Variants in PHF24 observed in about 807,000 individuals in gnomAD.
PHF24 encodes the protein Galpha inhibitory interacting protein.
Under a neutral mutation model 42.6 loss-of-function variants are expected in PHF24, and 25 were observed. The ratio of observed to expected loss-of-function variants is 0.59; its 90% CI spans 0.43 to 0.82. The LOEUF (loss-of-function observed/expected upper bound fraction) is 0.82, where lower values mean the gene tolerates loss of function less well. Ranked by LOEUF, PHF24 falls within the 40% of genes least tolerant of loss-of-function variation. The probability of loss-of-function intolerance (pLI) is 0.00; values close to 1 mark genes in which losing one functional copy is unlikely to be tolerated. For missense variants in PHF24, 470 were observed against 538.1 expected (o/e 0.87, Z 1.25); for synonymous variants, 185 against 204.8 (o/e 0.90, Z 0.83).
At chr9:34,887,828 A>AC in the PHF24 span, among the ~76,000 whole-genome samples, 1 of 151,396 alleles carries the variant, frequency 6.6e-6, no homozygotes, top group African/African-American at 2.4e-5. Flanking sequence ...GAGAGAGCAG[A>AC]TTTTTTTTTC....
chr9:34,701,528 A>G, the PHF24 span, among the ~76,000 whole-genome samples: 3 of 151,926 alleles, frequency 2.0e-5, no homozygotes, highest in African/African-American at 7.2e-5. The surrounding 1 kb of genome is among the most constrained non-coding windows in gnomAD (Gnocchi z 5.8). Flanking sequence ...TGCGGCTGTG[A>G]CCCTGCGAGC....
the PHF24 span, chr9:34,729,487 G>C: frequency 6.7e-7 from 1 of 1,500,298 alleles, no homozygotes; most frequent in Non-Finnish European, 8.9e-7. Context: ...CAGGGTTCTG[G>C]TGCCTAATGA....
At chr9:34,938,629 A>T in the PHF24 span, among the ~76,000 whole-genome samples, 13 of 152,162 alleles carry the variant, frequency 8.5e-5, no homozygotes, top group African/African-American at 3.1e-4. Flanking sequence ...AAAATGGGTT[A>T]AAAAAGCCAT....
At chr9:34,775,861 C>CTGAATATCCATTCATTGT in the PHF24 span, among the ~76,000 whole-genome samples, 1 of 152,140 alleles carries the variant, frequency 6.6e-6, no homozygotes, top group Non-Finnish European at 1.5e-5. Flanking sequence ...ATGCCCAGCA[C>CTGAATATCCATTCATTGT]TGAATATCCA....
the PHF24 span, among the ~76,000 whole-genome samples, chr9:34,787,594 G>A: frequency 3.9e-4 from 60 of 152,298 alleles, no homozygotes; most frequent in African/African-American, 1.3e-3. Flanking sequence ...GAAGGTAAGG[G>A]CAGCTATTTC....
the PHF24 span, among the ~76,000 whole-genome samples, chr9:34,937,736 C>A: frequency 2.0e-5 from 3 of 152,166 alleles, no homozygotes; most frequent in South Asian, 2.1e-4. Flanking sequence ...CTACTGGAGG[C>A]CAACCAAGGG....
chr9:34,969,356 C>CT (rs1183869082), intron 1 of PHF24, among the ~76,000 whole-genome samples: 1 of 152,238 alleles, frequency 6.6e-6, no homozygotes, highest in African/African-American at 2.4e-5. Context: ...AAACTGCCCT[C>CT]TTTCGCCAGG....
the PHF24 span, among the ~76,000 whole-genome samples, chr9:34,937,041 C>A: frequency 1.1e-4 from 14 of 128,516 alleles, no homozygotes; most frequent in African/African-American, 4.0e-4. Context: ...TCAGCCCCCC[C>A]CCCGGGCCAG....
At chr9:34,802,401 T>C in the PHF24 span, among the ~76,000 whole-genome samples, 1 of 70,124 alleles carries the variant, frequency 1.4e-5, no homozygotes, top group Non-Finnish European at 3.6e-5. Context: ...TTCCCTTAGA[T>C]TTTTTTTTCC....
chr9:34,727,890 A>G, the PHF24 span: 1 of 791,720 alleles, frequency 1.3e-6, no homozygotes, highest in East Asian at 2.8e-5. Flanking sequence ...CCTCTCACCC[A>G]GTGTCCCTGC....
the PHF24 span, among the ~76,000 whole-genome samples, chr9:34,880,546 G>A: frequency 6.6e-6 from 1 of 151,994 alleles, no homozygotes; most frequent in Non-Finnish European, 1.5e-5. Context: ...AAAAAAGCAG[G>A]GGTTGCAGTC....
the PHF24 span, among the ~76,000 whole-genome samples, chr9:34,820,339 A>T: frequency 6.6e-6 from 1 of 152,066 alleles, no homozygotes; most frequent in Non-Finnish European, 1.5e-5. Flanking sequence ...CACCCAGGTA[A>T]TAAACGTAGT....
At chr9:34,949,566 A>G in the PHF24 span, among the ~76,000 whole-genome samples, 5 of 152,216 alleles carry the variant, frequency 3.3e-5, no homozygotes, top group Non-Finnish European at 5.9e-5. Context: ...TCACTGCAGC[A>G]CTATTTACAA....
At chr9:34,809,649 A>C in the PHF24 span, among the ~76,000 whole-genome samples, 1 of 152,320 alleles carries the variant, frequency 6.6e-6, no homozygotes, top group South Asian at 2.1e-4. The surrounding 1 kb of genome is among the most constrained non-coding windows in gnomAD (Gnocchi z 4.1). Context: ...GCGAGAGAGC[A>C]CGAGGGCGAA....
chr9:34,867,433 C>T, the PHF24 span, among the ~76,000 whole-genome samples: 2 of 72,624 alleles, frequency 2.8e-5, no homozygotes, highest in Non-Finnish European at 6.4e-5. Flanking sequence ...ACCAGGTAGA[C>T]CCCTTCAGGG....
the PHF24 span, chr9:34,837,482 A>C: frequency 1.7e-6 from 1 of 576,426 alleles, no homozygotes; most frequent in Non-Finnish European, 3.2e-6. Context: ...TAATGTAGAG[A>C]ATTTTGGAAC....
the PHF24 span, among the ~76,000 whole-genome samples, chr9:34,809,298 C>A: frequency 3.3e-5 from 5 of 152,046 alleles, no homozygotes; most frequent in Non-Finnish European, 7.4e-5. This position sits in a 1 kb window ranked among gnomAD's most constrained non-coding sequence, Gnocchi z 4.1. Context: ...TTCATTTGTA[C>A]TTCTTCAGTT....
chr9:34,972,331 G>A lies in PHF24; in HGVS notation c.379-15G>A, dbSNP rs1395828056. ...CATTTACACATCCCTGTTTCCTCCT[G>A]CCATCTTTCTGCAGGTTGTCAACGA... On this transcript the variant is annotated splice_polypyrimidine_tract_variant and intron_variant, in intron 2 of 7. Coordinates refer to ENST00000242315, the Ensembl canonical transcript of PHF24. 1 of 1,592,110 alleles carries A rather than the reference G, an allele frequency of 6.3e-7. No individual in the cohort carries two copies. Among genetic ancestry groups the A allele is most frequent in the East Asian group, 2.3e-5 (1 of 44,350 alleles).
the PHF24 span, among the ~76,000 whole-genome samples, chr9:34,758,401 C>G: frequency 6.6e-6 from 1 of 152,086 alleles, no homozygotes; most frequent in African/African-American, 2.4e-5. The surrounding 1 kb of genome is among the most constrained non-coding windows in gnomAD (Gnocchi z 4.4). Context: ...GGCGGGTTCA[C>G]CAGCTTAGGA....
Sources: allele counts gnomAD v4.1 joint callset (sites outside exome capture counted in the v4.1 genomes callset), GRCh38; gene constraint gnomAD v4.1.1; non-coding constraint Gnocchi (gnomAD v3.1); transcripts MANE v1.5; gene names NCBI Gene and HGNC (gene_info 2026-07-23, HGNC 2026-07-21).